Variants in DIS3L observed in about 807,000 individuals in gnomAD.
DIS3L encodes the protein DIS3 like exosome 3'-5' exoribonuclease, also known as DIS3-like exonuclease 1.
In DIS3L, 100 loss-of-function variants were observed where a neutral mutation model predicts 120.3. The observed-to-expected ratio is 0.83, with a 90% CI of 0.71 to 0.98. The LOEUF (loss-of-function observed/expected upper bound fraction) is 0.98, where lower values mean the gene tolerates loss of function less well. Ranked by LOEUF, DIS3L falls within the 50% of genes least tolerant of loss-of-function variation. The pLI is 0.00. For synonymous variants in DIS3L, 426 were observed against 470.6 expected, an observed-to-expected ratio of 0.91 and a Z score of 1.23; for missense variants, 1,196 against 1,314.2, an observed-to-expected ratio of 0.91 and a Z score of 1.39.
At chr15:66,320,466 T>C in intron 8 of DIS3L, 105 bp from the exon 9 acceptor site, 2 of 1,293,728 alleles carry the variant, frequency 1.5e-6, no homozygotes, top group Middle Eastern at 3.9e-4. Context: ...ACCTGGCCAC[T>C]CTCCTTGGAA....
At chr15:66,305,432 T>C (rs1434693790) in intron 2 of DIS3L, among the ~76,000 whole-genome samples, 1 of 152,202 alleles carries the variant, frequency 6.6e-6, no homozygotes, top group Non-Finnish European at 1.5e-5. Context: ...TTTTAAAACC[T>C]ATGGTGGCAG....
At chr15:66,311,935 G>A in intron 5 of DIS3L, 35 bp downstream of exon 5, 1 of 1,608,014 alleles carries the variant, frequency 6.2e-7, no homozygotes, top group South Asian at 1.1e-5. Context: ...TCAGGGCTGG[G>A]CACAGTGGCT....
chr15:66,306,170 TC>T (rs1386525330), intron 2 of DIS3L, among the ~76,000 whole-genome samples: 21 of 152,158 alleles, frequency 1.4e-4, no homozygotes, highest in Non-Finnish European at 2.2e-4. Context: ...AGACAGGGTC[TC>T]CTTATGTTGC....
At chr15:66,310,473 G>T (rs2092749278) in intron 4 of DIS3L, among the ~76,000 whole-genome samples, 1 of 152,156 alleles carries the variant, frequency 6.6e-6, no homozygotes, top group Admixed American at 6.5e-5. Context: ...AGAGGTGAAT[G>T]ATAGTAGAAA....
At chr15:66,320,427 A>C in intron 8 of DIS3L, 144 bp from the exon 9 acceptor site, 1 of 833,258 alleles carries the variant, frequency 1.2e-6, no homozygotes, top group Non-Finnish European at 1.7e-6. Context: ...AAAAACAAAA[A>C]AAAAACCCTA....
chr15:66,302,625 G>A (rs181227199), intron 2 of DIS3L, among the ~76,000 whole-genome samples: 33 of 152,148 alleles, frequency 2.2e-4, no homozygotes, highest in Admixed American at 1.9e-3. Flanking sequence ...CGCACATTCC[G>A]CCCTGCTCTC....
chr15:66,331,103 C>T (rs2092993946), intron 14 of DIS3L, among the ~76,000 whole-genome samples: 1 of 152,008 alleles, frequency 6.6e-6, no homozygotes, highest in Non-Finnish European at 1.5e-5. Flanking sequence ...TGCAGGGAGC[C>T]AAGATCGCGC....
At chr15:66,300,624 C>G (rs1341332323) in intron 2 of DIS3L, among the ~76,000 whole-genome samples, 1 of 152,080 alleles carries the variant, frequency 6.6e-6, no homozygotes, top group African/African-American at 2.4e-5. Flanking sequence ...TACAATAAAG[C>G]TGCTCTTTTT....
intron 5 of DIS3L, among the ~76,000 whole-genome samples, chr15:66,312,328 G>A (rs1385352147): frequency 1.3e-5 from 2 of 152,092 alleles, no homozygotes; most frequent in African/African-American, 2.4e-5. Flanking sequence ...GCATGAGTAA[G>A]TCAGGGTTGT....
In DIS3L at chr15:66,323,436, C is replaced by G. The variant is rs536399708; in HGVS notation, c.1575-57C>G. 8.9e-6 allele frequency: 14 copies of G among 1,567,644 alleles called. No individual in the cohort carries two copies. In the South Asian group the frequency reaches 1.6e-4, roughly 17 times the overall value. ...TTTACCTCCCTGCGGCCCACACAGTCAGCAGTTCTGCTTCTCCCTGCTAAA... is the reference window on the plus strand; with the variant it reads ...TTTACCTCCCTGCGGCCCACACAGTGAGCAGTTCTGCTTCTCCCTGCTAAA... On this transcript the variant is annotated intron_variant, in intron 10 of 16. Coordinates refer to ENST00000319212, the MANE Select transcript of DIS3L (RefSeq NM_001143688.3).
chr15:66,325,801 G>C, intron 11 of DIS3L, 30 bp from the exon 12 acceptor site: 1 of 1,564,072 alleles, frequency 6.4e-7, no homozygotes, highest in Non-Finnish European at 8.7e-7. Context: ...AATTTGAATA[G>C]TGATGTTGTC....
chr15:66,329,325 AT>A lies in DIS3L; in HGVS notation c.2462del (p.Met821ArgfsTer83). The A allele has an allele frequency of 1.2e-6, 2 of 1,614,134 alleles. No individual in the cohort carries two copies. Among genetic ancestry groups the A allele is most frequent in the Non-Finnish European group, 1.7e-6 (2 of 1,180,020 alleles). On this transcript the variant is annotated frameshift_variant, in exon 14 of 17. Transcript: ENST00000319212. LOFTEE classifies it high-confidence loss of function. ...GGCAGCCATTTCAAAAGATAAGAAA[AT>A]GGAAATTAAGGGAAATCTGTTCAGC... Reference protein sequence around the residue: ...LMAAISKDKKMEIKGNLFSNK... With the variant: ...LMAAISKDKKXEIKGNLFSNK...
At chr15:66,322,624 G>A in intron 9 of DIS3L, 63 bp from the exon 10 acceptor site, 3 of 1,594,694 alleles carry the variant, frequency 1.9e-6, no homozygotes, top group Non-Finnish European at 2.6e-6. Context: ...GAGAATATTA[G>A]TGAGTGGATT....
At position 66,328,989 on chromosome 15, in the gene DIS3L, G is replaced by C. The variant is rs1474547276; in HGVS notation, c.2221G>C (p.Asp741His). 6.2e-7 allele frequency: 1 copy of C among 1,612,386 alleles called. No homozygotes were observed. The highest frequency in any genetic ancestry group is 1.3e-5 in the African/African-American group (1 of 74,862). ...TGTCAGGTCCAATAAAACACTGGCTGATTCTCTGGATAATGCGAACGACCC... is the reference window on the plus strand; with the variant it reads ...TGTCAGGTCCAATAAAACACTGGCTCATTCTCTGGATAATGCGAACGACCC... ...IDTRSNKTLA[D>H]SLDNANDPHD... Residue 741 changes from aspartate to histidine, a missense_variant, in exon 13 of 17, where the codon GAT (aspartate) becomes CAT (histidine). Physicochemically the swap from Asp to His is moderately conservative, Grantham distance 81. Coordinates refer to ENST00000319212, the MANE Select transcript of DIS3L (RefSeq NM_001143688.3).
chr15:66,293,537 A>C (rs1331339803), upstream of DIS3L: 2 of 1,336,632 alleles, frequency 1.5e-6, no homozygotes, highest in African/African-American at 3.1e-5. Flanking sequence ...GGCGGGTCCG[A>C]GGCCGCGGCC....
rs771834584 is a variant in DIS3L at position 66,333,268 on chromosome 15, C to G, written c.3121C>G (p.Arg1041Gly). 6.2e-7 allele frequency: 1 copy of G among 1,611,616 alleles called. No individual in the cohort carries two copies. The stretch of plus-strand genomic sequence containing the variant: ...CCTATACACACTTCTAGAGGAGATA[C>G]GGGACCTAGCTCTCCTGGATGTTTC... ...RSLYTLLEEI[R>G]DLALLDVSNN... Residue 1041 changes from arginine to glycine, a missense_variant, in exon 17 of 17, where the codon CGG becomes GGG. Transcript: ENST00000319212.
chr15:66,313,540 C>T (rs1254352567), intron 5 of DIS3L, among the ~76,000 whole-genome samples: 2 of 152,072 alleles, frequency 1.3e-5, no homozygotes, highest in East Asian at 3.9e-4. Flanking sequence ...ACCAGCCTGA[C>T]CAACATGGAG....
intron 9 of DIS3L, among the ~76,000 whole-genome samples, chr15:66,321,776 A>AAAAAT (rs1475503282): frequency 6.6e-6 from 1 of 152,038 alleles, no homozygotes; most frequent in Non-Finnish European, 1.5e-5. Flanking sequence ...AAAAAAAAAA[A>AAAAAT]AAAATGTTAC....
At chr15:66,329,444 A>G in intron 14 of DIS3L, 45 bp downstream of exon 14, 1 of 1,564,976 alleles carries the variant, frequency 6.4e-7, no homozygotes, top group Non-Finnish European at 8.6e-7. Flanking sequence ...TCTCTTGCTA[A>G]GAAAATATCA....
Sources: allele counts gnomAD v4.1 joint callset (sites outside exome capture counted in the v4.1 genomes callset), GRCh38; gene constraint gnomAD v4.1.1; transcripts MANE v1.5; gene names NCBI Gene and HGNC (gene_info 2026-07-23, HGNC 2026-07-21).